LRFN5: variants seen among roughly 807,000 people sequenced by gnomAD.
LRFN5 encodes leucine rich repeat and fibronectin type III domain containing 5, also known as leucine-rich repeat and fibronectin type-III domain-containing protein 5.
LRFN5 carries 24 observed loss-of-function variants against 45.6 expected under a neutral mutation model. The ratio of observed to expected loss-of-function variants is 0.53; its 90% CI spans 0.38 to 0.74. The LOEUF (loss-of-function observed/expected upper bound fraction) is 0.74. Ranked by LOEUF, LRFN5 falls within the 30% of genes least tolerant of loss-of-function variation. The pLI, the probability that LRFN5 is intolerant of heterozygous loss-of-function variation, is 0.00. For synonymous variants in LRFN5, 340 were observed against 313.8 expected, an observed-to-expected ratio of 1.08 and a Z score of -0.88; for missense variants, 776 against 861.5, an observed-to-expected ratio of 0.90 and a Z score of 1.24.
intron 1 of LRFN5, among the ~76,000 whole-genome samples, chr14:41,715,757 G>C (rs1176963976): frequency 6.6e-6 from 1 of 152,158 alleles, no homozygotes; most frequent in Non-Finnish European, 1.5e-5. Context: ...TGTGCAAGCT[G>C]TCGTTGGATC....
At chr14:41,745,568 T>C (rs1221731465) in intron 1 of LRFN5, among the ~76,000 whole-genome samples, 3 of 151,652 alleles carry the variant, frequency 2.0e-5, no homozygotes, top group Non-Finnish European at 4.4e-5. Flanking sequence ...AATAGTAAAA[T>C]AAGAGAGAAC....
At chr14:41,902,341 T>G (rs2139183366) in intron 5 of LRFN5, among the ~76,000 whole-genome samples, 1 of 152,054 alleles carries the variant, frequency 6.6e-6, no homozygotes, top group South Asian at 2.1e-4. Flanking sequence ...TTTGTATTGT[T>G]TGATACTCTT....
chr14:41,767,669 G>A (rs1481074798), intron 2 of LRFN5, among the ~76,000 whole-genome samples: 1 of 152,128 alleles, frequency 6.6e-6, no homozygotes, highest in African/African-American at 2.4e-5. Flanking sequence ...CAGGGGACAT[G>A]AAGATCTGTA....
chr14:41,631,328 C>A (rs767961311), intron 1 of LRFN5, among the ~76,000 whole-genome samples: 4 of 152,028 alleles, frequency 2.6e-5, no homozygotes, highest in Non-Finnish European at 4.4e-5. Context: ...CCATACTGTT[C>A]AAATCTAATT....
At chr14:41,686,084 C>A (rs75725266) in intron 1 of LRFN5, among the ~76,000 whole-genome samples, 1 of 151,968 alleles carries the variant, frequency 6.6e-6, no homozygotes, top group Non-Finnish European at 1.5e-5. Flanking sequence ...GACATTGATT[C>A]GTCCTAGACA....
chr14:41,633,702 C>G (rs976268857), intron 1 of LRFN5, among the ~76,000 whole-genome samples: 10 of 151,998 alleles, frequency 6.6e-5, no homozygotes, highest in Admixed American at 1.3e-4. Context: ...TTAAAAACAT[C>G]AAACAAAAAT....
At position 41,726,963 on chromosome 14, in the gene LRFN5, T is replaced by A. The variant is rs1322791521; in HGVS notation, c.-196-39891T>A. Among the ~76,000 whole-genome samples, 3 of 152,224 alleles carry A rather than the reference T, an allele frequency of 2.0e-5. No homozygotes were observed. The East Asian group carries it at 5.8e-4, about 29-fold the overall frequency. ...TTCAGTTTCTTTACCAGTTATTTTT[T>A]GTTTCTTACCCTTAATATGAATTTT... On this transcript the variant is annotated intron_variant, in intron 1 of 5. Transcript: ENST00000298119.
At chr14:41,778,950 A>G (rs1886388191) in intron 2 of LRFN5, among the ~76,000 whole-genome samples, 1 of 151,812 alleles carries the variant, frequency 6.6e-6, no homozygotes, top group Non-Finnish European at 1.5e-5. Flanking sequence ...TCATCTGTGA[A>G]CAAAGACAGT....
intron 1 of LRFN5, among the ~76,000 whole-genome samples, chr14:41,613,565 G>C (rs539416362): frequency 3.6e-4 from 55 of 151,686 alleles, no homozygotes; most frequent in African/African-American, 1.2e-3. Context: ...TTCGAAAATG[G>C]CATTATAATC....
At chr14:41,757,789 A>T (rs1257569442) in intron 1 of LRFN5, among the ~76,000 whole-genome samples, 1 of 152,122 alleles carries the variant, frequency 6.6e-6, no homozygotes, top group African/African-American at 2.4e-5. Context: ...GACACTCCCC[A>T]GTGAGATGAA....
chr14:41,674,408 C>T (rs1462778239), intron 1 of LRFN5, among the ~76,000 whole-genome samples: 25 of 118,364 alleles, frequency 2.1e-4, no homozygotes, highest in African/African-American at 6.5e-4. Flanking sequence ...CCGGACGGGG[C>T]GGCTGGCCGG....
At chr14:41,895,160 G>A (rs1265308408) in intron 4 of LRFN5, among the ~76,000 whole-genome samples, 3 of 151,806 alleles carry the variant, frequency 2.0e-5, no homozygotes, top group Non-Finnish European at 4.4e-5. Context: ...TTGAATAATT[G>A]TCCCCCAATT....
chr14:41,838,875 T>C (rs2139049665), intron 2 of LRFN5, among the ~76,000 whole-genome samples: 1 of 152,274 alleles, frequency 6.6e-6, no homozygotes, highest in East Asian at 1.9e-4. Context: ...CCTCTACACA[T>C]ATGACCAAAA....
At chr14:41,779,235 C>A (rs1794166166) in intron 2 of LRFN5, among the ~76,000 whole-genome samples, 1 of 151,748 alleles carries the variant, frequency 6.6e-6, no homozygotes. Context: ...AATGCTTGTT[C>A]TAAATCAGTT....
intron 2 of LRFN5, among the ~76,000 whole-genome samples, chr14:41,823,017 T>G (rs1888173656): frequency 6.6e-6 from 1 of 151,930 alleles, no homozygotes; most frequent in Non-Finnish European, 1.5e-5. Context: ...TCCACCCGAG[T>G]CTATAAGTGT....
intron 1 of LRFN5, among the ~76,000 whole-genome samples, chr14:41,715,699 C>A (rs1257940818): frequency 6.6e-6 from 1 of 152,216 alleles, no homozygotes; most frequent in Admixed American, 6.5e-5. Context: ...TCCCTCCTGG[C>A]TGCTTCCACA....
At chr14:41,760,881 C>T (rs117412894) in intron 1 of LRFN5, among the ~76,000 whole-genome samples, 2 of 152,154 alleles carry the variant, frequency 1.3e-5, no homozygotes, top group Non-Finnish European at 2.9e-5. Flanking sequence ...TCCATGAATA[C>T]ACTAACACGG....
intron 2 of LRFN5, among the ~76,000 whole-genome samples, chr14:41,770,061 A>G (rs1414061957): frequency 3.3e-5 from 5 of 152,152 alleles, no homozygotes; most frequent in South Asian, 2.1e-4. Context: ...GGCACATGAC[A>G]TGGAGAGAGT....
At chr14:41,842,203 A>G (rs1016599414) in intron 2 of LRFN5, among the ~76,000 whole-genome samples, 3 of 152,098 alleles carry the variant, frequency 2.0e-5, no homozygotes, top group Non-Finnish European at 4.4e-5. Flanking sequence ...CATCTGTTGC[A>G]TTTGTAGATA....
Sources: allele counts gnomAD v4.1 joint callset (sites outside exome capture counted in the v4.1 genomes callset), GRCh38; gene constraint gnomAD v4.1.1; transcripts MANE v1.5; gene names NCBI Gene and HGNC (gene_info 2026-07-23, HGNC 2026-07-21).